The following PCCA variants were observed in gnomAD, a reference collection of about 807,000 sequenced individuals.
PCCA encodes the protein propionyl-CoA carboxylase alpha chain, mitochondrial.
In PCCA, 74 loss-of-function variants were observed where a neutral mutation model predicts 101.3. That is an observed-to-expected ratio of 0.73 (90% CI 0.61 to 0.89). PCCA has a LOEUF of 0.89. PCCA is among the 40% of genes least tolerant of loss of function. PCCA has a pLI of 0.00. For missense variants in PCCA, 891 were observed against 907.0 expected, an observed-to-expected ratio of 0.98 and a Z score of 0.23; for synonymous variants, 294 against 313.6, an observed-to-expected ratio of 0.94 and a Z score of 0.66.
At chr13:100,488,567 G>A (rs1028706022) in intron 21 of PCCA, among the ~76,000 whole-genome samples, 2 of 151,812 alleles carry the variant, frequency 1.3e-5, no homozygotes, top group African/African-American at 4.8e-5. Context: ...GAGCTCAGGA[G>A]TTTGAGACCA....
rs535537377 is a variant in PCCA at position 100,422,382 on chromosome 13, C to G, written c.1747-3251C>G. ...CAAACTCCTGGCTTCAAGCAGTCCT[C>G]CTGCCTGGGCCTCCCAAAGTGCTGG... is the stretch of plus-strand genomic sequence containing the variant. On this transcript the variant is annotated intron_variant, in intron 19 of 23. Coordinates refer to ENST00000376285, the MANE Select transcript of PCCA (RefSeq NM_000282.4). Among the ~76,000 whole-genome samples the G allele has an allele frequency of 2.6e-5, 4 of 152,162 alleles. No homozygotes were observed. The South Asian group carries it at 8.3e-4, about 32-fold the overall frequency.
intron 20 of PCCA, among the ~76,000 whole-genome samples, chr13:100,442,039 G>A (rs1000129595): frequency 6.7e-6 from 1 of 149,442 alleles, no homozygotes; most frequent in Non-Finnish European, 1.5e-5. Flanking sequence ...TGTCACTCAG[G>A]CTGTAGTGCA....
At chr13:100,160,524 T>A (rs1033512433) in intron 6 of PCCA, 3 of 150,234 alleles carry the variant, frequency 2.0e-5, no homozygotes, top group Admixed American at 1.3e-4. Flanking sequence ...AAAAAAAAGA[T>A]CATGTCTTTT....
chr13:100,328,777 T>C (rs921391362), intron 16 of PCCA, among the ~76,000 whole-genome samples: 6 of 133,516 alleles, frequency 4.5e-5, no homozygotes, highest in African/African-American at 1.3e-4. Flanking sequence ...CACTGCAACC[T>C]CCACCTCCCA....
At chr13:100,105,657 CAAAAAA>C (rs34277733) in intron 2 of PCCA, among the ~76,000 whole-genome samples, 4 of 75,876 alleles carry the variant, frequency 5.3e-5, no homozygotes, top group South Asian at 4.8e-4. Context: ...CTGTCTCTAC[CAAAAAA>C]AAAAAAAAAA....
At chr13:100,428,746 T>C (rs1451910115) in intron 20 of PCCA, among the ~76,000 whole-genome samples, 1 of 152,086 alleles carries the variant, frequency 6.6e-6, no homozygotes, top group Non-Finnish European at 1.5e-5. Context: ...AGCCCCCAGG[T>C]AATGCTGCTG....
chr13:100,188,343 A>G (rs965511281), intron 6 of PCCA, among the ~76,000 whole-genome samples: 4 of 152,174 alleles, frequency 2.6e-5, no homozygotes, highest in Non-Finnish European at 5.9e-5. Flanking sequence ...AAAGAAAGAA[A>G]GAAAGAATAA....
chr13:100,430,262 G>A (rs1015407986), intron 20 of PCCA, among the ~76,000 whole-genome samples: 4 of 151,660 alleles, frequency 2.6e-5, no homozygotes, highest in South Asian at 2.1e-4. Context: ...GTGAAACTCC[G>A]TCTCAAAAAC....
intron 19 of PCCA, among the ~76,000 whole-genome samples, chr13:100,411,161 G>T (rs1236671254): frequency 6.6e-6 from 1 of 151,702 alleles, no homozygotes; most frequent in Non-Finnish European, 1.5e-5. Context: ...TTACAAACTT[G>T]GCAGAAACCA....
chr13:100,238,440 C>G (rs2060936272), intron 8 of PCCA, among the ~76,000 whole-genome samples: 1 of 152,124 alleles, frequency 6.6e-6, no homozygotes, highest in Non-Finnish European at 1.5e-5. Flanking sequence ...TGGGCACATC[C>G]TTTATGACTC....
chr13:100,219,195 G>A (rs910410882), intron 7 of PCCA, among the ~76,000 whole-genome samples: 1 of 152,028 alleles, frequency 6.6e-6, no homozygotes, highest in African/African-American at 2.4e-5. Flanking sequence ...TTGGGTAGGG[G>A]TTTGGATGTG....
chr13:100,451,894 C>T (rs1437113740), intron 21 of PCCA, among the ~76,000 whole-genome samples: 1 of 63,106 alleles, frequency 1.6e-5, no homozygotes, highest in Non-Finnish European at 3.2e-5. Flanking sequence ...CCTCTCTCTC[C>T]TCTTCCTCTC....
chr13:100,101,321 C>A (rs2047261457), intron 1 of PCCA, among the ~76,000 whole-genome samples: 1 of 152,120 alleles, frequency 6.6e-6, no homozygotes, highest in African/African-American at 2.4e-5. Context: ...ATCTTATAAC[C>A]ATTACAGCCT....
intron 4 of PCCA, among the ~76,000 whole-genome samples, chr13:100,137,755 T>C (rs1345232856): frequency 6.6e-6 from 1 of 152,150 alleles, no homozygotes; most frequent in Non-Finnish European, 1.5e-5. Context: ...GTACACAGCA[T>C]ATACTTGGGT....
intron 7 of PCCA, 117 bp from the exon 8 acceptor site, chr13:100,235,725 A>G: frequency 1.3e-6 from 1 of 744,764 alleles, no homozygotes; most frequent in South Asian, 1.4e-5. Context: ...GTTAGAAGGT[A>G]GTAAAATTGA....
intron 9 of PCCA, among the ~76,000 whole-genome samples, chr13:100,259,116 C>T (rs2062277145): frequency 6.6e-6 from 1 of 152,136 alleles, no homozygotes; most frequent in African/African-American, 2.4e-5. Flanking sequence ...TCCTCTCTCC[C>T]TCTCGAGGAA....
intron 21 of PCCA, among the ~76,000 whole-genome samples, chr13:100,450,027 A>G (rs1000784884): frequency 1.3e-5 from 2 of 152,170 alleles, no homozygotes; most frequent in African/African-American, 4.8e-5. Flanking sequence ...TATTATTACT[A>G]TTTTACTTAT....
intron 19 of PCCA, among the ~76,000 whole-genome samples, chr13:100,416,893 C>G (rs905114448): frequency 2.6e-5 from 4 of 151,490 alleles, no homozygotes; most frequent in Non-Finnish European, 4.4e-5. Flanking sequence ...GTCCAGGCTG[C>G]AGTGCAATGG....
intron 21 of PCCA, among the ~76,000 whole-genome samples, chr13:100,500,099 A>C (rs2152987764): frequency 6.6e-6 from 1 of 152,296 alleles, no homozygotes; most frequent in South Asian, 2.1e-4. Context: ...CCCAGGAAAA[A>C]AGCTAAACAA....
Sources: gnomAD v4.1 joint callset for allele counts (sites outside exome capture counted in the v4.1 genomes callset) on GRCh38, gnomAD v4.1.1 for gene constraint, MANE v1.5 for transcripts, NCBI Gene and HGNC (gene_info 2026-07-23, HGNC 2026-07-21) for gene names.